SLC37A1: variants seen among roughly 807,000 people sequenced by gnomAD.
SLC37A1 encodes solute carrier family 37 member 1.
Under a neutral mutation model 75.3 loss-of-function variants are expected in SLC37A1, and 49 were observed. The observed-to-expected ratio is 0.65, with a 90% CI of 0.52 to 0.83. SLC37A1 has a LOEUF of 0.83. Ranked by LOEUF, SLC37A1 falls within the 40% of genes least tolerant of loss-of-function variation. SLC37A1 has a pLI of 0.00. For synonymous variants in SLC37A1, 268 were observed against 292.1 expected (o/e 0.92, Z 0.84); for missense variants, 566 against 695.0 (o/e 0.81, Z 2.09).
At chr21:42,570,380 C>T in intron 17 of SLC37A1, among the ~76,000 whole-genome samples, 1 of 152,182 alleles carries the variant, frequency 6.6e-6, no homozygotes, top group East Asian at 1.9e-4. Context: ...CAAAGTGAGA[C>T]CAGACCAGCC....
At chr21:42,529,335 C>T (rs904573268) in intron 3 of SLC37A1, among the ~76,000 whole-genome samples, 7 of 151,972 alleles carry the variant, frequency 4.6e-5, no homozygotes, top group Non-Finnish European at 1.0e-4. Context: ...TTTGGGAGGC[C>T]GAGGCAGGTG....
At chr21:42,576,726 T>C (rs145611444) in intron 18 of SLC37A1, among the ~76,000 whole-genome samples, 224 of 152,236 alleles carry the variant, frequency 1.5e-3, no homozygotes, top group African/African-American at 5.0e-3. Context: ...ACAGGAGTTA[T>C]AGAAATGAAA....
intron 3 of SLC37A1, among the ~76,000 whole-genome samples, chr21:42,531,419 G>A (rs933364799): frequency 1.3e-5 from 2 of 151,504 alleles, no homozygotes; most frequent in Non-Finnish European, 2.9e-5. Flanking sequence ...TCAGCCTCCC[G>A]CCTCACATAA....
intron 1 of SLC37A1, among the ~76,000 whole-genome samples, chr21:42,517,079 C>T (rs2054534419): frequency 6.6e-6 from 1 of 152,200 alleles, no homozygotes; most frequent in Non-Finnish European, 1.5e-5. Flanking sequence ...GGACCTTGCC[C>T]TGCAGTCCCG....
chr21:42,546,964 A>T, intron 8 of SLC37A1, 139 bp from the exon 9 acceptor site: 2 of 967,018 alleles, frequency 2.1e-6, no homozygotes, highest in Non-Finnish European at 3.2e-6. Flanking sequence ...GCTCAAATCC[A>T]CTCATTTAAT....
chr21:42,547,423 T>C lies in SLC37A1; in HGVS notation c.768+283T>C, dbSNP rs574668887. On this transcript the variant is annotated intron_variant, in intron 9 of 19. Transcript: ENST00000352133. This position sits in a 1 kb window ranked among gnomAD's most constrained non-coding sequence, Gnocchi z 6.1. ...GGCCCTGGCCAGGCCTCCTCAGGAG[T>C]GGAGACCTCCTGGTTTCCCCAGGGG... 2.7e-6 allele frequency: 1 copy of C among 377,202 alleles called. No individual in the cohort carries two copies. The highest frequency in any genetic ancestry group is 2.1e-5 in the African/African-American group (1 of 48,278). The allele number at this position is 377,202 out of a possible 1,614,324, so 23.4% of individuals were successfully genotyped here.
intron 1 of SLC37A1, among the ~76,000 whole-genome samples, chr21:42,515,283 AAAAAG>A (rs2054503164): frequency 1.3e-5 from 2 of 152,222 alleles, no homozygotes; most frequent in East Asian, 1.9e-4. Flanking sequence ...GTAATTTAAA[AAAAAG>A]AAAAGAAAAA....
At chr21:42,512,231 AG>A (rs1210357781), upstream of SLC37A1, among the ~76,000 whole-genome samples, 14 of 61,328 alleles carry the variant, frequency 2.3e-4, no homozygotes, top group African/African-American at 5.4e-4. Context: ...GGTGGGGGGG[AG>A]GGGGGGTGGG....
rs148718405 is a variant in SLC37A1 at position 42,520,313 on chromosome 21, C to T, written c.56+1803C>T. ...CGTCTCTTCATCTAGCACTGTTCCT[C>T]GGCCTTTTTTCATCTTTTCTGACCT... On this transcript the variant is annotated intron_variant, in intron 2 of 19. Coordinates refer to ENST00000352133, the MANE Select transcript of SLC37A1 (RefSeq NM_001320537.2). Among the ~76,000 whole-genome samples, 252 of 152,214 alleles carry T rather than the reference C, an allele frequency of 1.7e-3. 2 individuals carry two copies. The highest frequency in any genetic ancestry group is 5.6e-3 in the African/African-American group (232 of 41,480).
chr21:42,579,875 C>T, intron 19 of SLC37A1, 75 bp downstream of exon 19: 2 of 1,364,138 alleles, frequency 1.5e-6, no homozygotes, highest in South Asian at 1.2e-5. Flanking sequence ...CTGCCTTCTG[C>T]ACCTGGCTTT....
intron 12 of SLC37A1, among the ~76,000 whole-genome samples, chr21:42,563,006 T>C (rs2055872771): frequency 6.6e-6 from 1 of 152,060 alleles, no homozygotes; most frequent in Non-Finnish European, 1.5e-5. Context: ...GGAGACTGAA[T>C]ACCCTGGGAG....
intron 8 of SLC37A1, among the ~76,000 whole-genome samples, chr21:42,546,518 G>A (rs771526690): frequency 1.3e-4 from 20 of 152,248 alleles, no homozygotes; most frequent in Non-Finnish European, 2.9e-4. Context: ...TGTCCACACA[G>A]CGTCCGCATG....
chr21:42,574,672 T>C, intron 17 of SLC37A1, 146 bp from the exon 18 acceptor site: 2 of 709,126 alleles, frequency 2.8e-6, no homozygotes, highest in South Asian at 3.8e-5. Flanking sequence ...CCGCTCCCAA[T>C]CTGATAGGCC....
At chr21:42,527,241 G>T (rs1466308639) in intron 3 of SLC37A1, among the ~76,000 whole-genome samples, 5 of 152,190 alleles carry the variant, frequency 3.3e-5, no homozygotes, top group Non-Finnish European at 7.3e-5. Context: ...TGGGGCAGAT[G>T]TAGCGTGTAA....
chr21:42,576,103 C>T (rs972403763), intron 18 of SLC37A1: 8 of 359,500 alleles, frequency 2.2e-5, no homozygotes, highest in Admixed American at 1.3e-4. Flanking sequence ...CAGGAATCAA[C>T]GGGTTGGGGT....
intron 18 of SLC37A1, among the ~76,000 whole-genome samples, chr21:42,578,021 C>G (rs1485952843): frequency 6.6e-6 from 1 of 152,228 alleles, no homozygotes; most frequent in East Asian, 1.9e-4. Flanking sequence ...GCTTTTCAAA[C>G]CTAAGAACTA....
chr21:42,572,601 T>C (rs978741041), intron 17 of SLC37A1, among the ~76,000 whole-genome samples: 18 of 150,976 alleles, frequency 1.2e-4, no homozygotes, highest in African/African-American at 4.4e-4. Flanking sequence ...TTCTCTGCCC[T>C]TTCAGTGCAT....
chr21:42,523,711 G>A (rs932486672), intron 2 of SLC37A1, among the ~76,000 whole-genome samples: 1 of 152,236 alleles, frequency 6.6e-6, no homozygotes, highest in Admixed American at 6.5e-5. Context: ...GGAAGAATTG[G>A]AGAAAGGCCA....
upstream of SLC37A1, among the ~76,000 whole-genome samples, chr21:42,511,690 G>A (rs574651373): frequency 2.2e-4 from 33 of 152,280 alleles, no homozygotes; most frequent in Admixed American, 1.4e-3. Context: ...GAGGCTGAGG[G>A]GGAGGATCAC....
Sources: allele counts gnomAD v4.1 joint callset (sites outside exome capture counted in the v4.1 genomes callset), GRCh38; gene constraint gnomAD v4.1.1; non-coding constraint Gnocchi (gnomAD v3.1); transcripts MANE v1.5; gene names NCBI Gene and HGNC (gene_info 2026-07-23, HGNC 2026-07-21).